Variants in XIAP observed in about 807,000 individuals in gnomAD.
XIAP encodes X-linked inhibitor of apoptosis.
XIAP carries 3 observed loss-of-function variants against 33.1 expected under a neutral mutation model. That is an observed-to-expected ratio of 0.09 (90% CI 0.04 to 0.23). The LOEUF is 0.23. XIAP is among the 10% of genes least tolerant of loss of function. The pLI is 1.00. For missense variants in XIAP, 264 were observed against 363.0 expected, an observed-to-expected ratio of 0.73 and a Z score of 2.22; for synonymous variants, 98 against 121.3, an observed-to-expected ratio of 0.81 and a Z score of 1.26.
chrX:123,885,180 A>G (rs570097033), intron 1 of XIAP, among the ~76,000 whole-genome samples: 2 of 111,997 alleles, frequency 1.8e-5, no homozygotes, highest in Non-Finnish European at 3.8e-5. Context: ...TTAATTCATT[A>G]ACATTCTGAA....
At chrX:123,886,659 T>TA in intron 2 of XIAP, 120 bp downstream of exon 2, 1 of 750,786 alleles carries the variant, frequency 1.3e-6, no homozygotes, top group Non-Finnish European at 1.9e-6. Context: ...GGCATGATTA[T>TA]ATATATATCT....
At position 123,892,652 on chromosome X, in the gene XIAP, G is replaced by T. The variant is rs538072196; in HGVS notation, c.1057-79G>T. 1.2e-5 allele frequency: 10 copies of T among 849,123 alleles called. No individual in the cohort carries two copies. The East Asian group carries it at 1.3e-4, about 11-fold the overall frequency. The allele number at this position is 849,123 out of a possible 1,213,427, so 70.0% of individuals were successfully genotyped here. A position where few individuals can be genotyped will look rare whatever the true frequency, so the allele number is the denominator to read the frequency against. On this transcript the variant is annotated intron_variant, in intron 4 of 6. Coordinates refer to ENST00000371199, the MANE Select transcript of XIAP (RefSeq NM_001167.4). The stretch of plus-strand genomic sequence containing the variant: ...TAAAGCCAATTTATTTTAAATTTAT[G>T]ATTAATTTCACTTTTCAAATGGAAA...
intron 5 of XIAP, among the ~76,000 whole-genome samples, chrX:123,895,864 C>T (rs1449299220): frequency 2.8e-5 from 3 of 106,885 alleles, no homozygotes; most frequent in East Asian, 3.0e-4. Context: ...TGGGTTCAAG[C>T]GATCCTCCTG....
intron 1 of XIAP, among the ~76,000 whole-genome samples, chrX:123,866,032 C>T (rs770894552): frequency 4.5e-4 from 50 of 110,583 alleles, no homozygotes; most frequent in African/African-American, 1.6e-3. Context: ...ACTCCGCCTC[C>T]TGGGTTCAGG....
At chrX:123,895,209 A>G (rs918684610) in intron 5 of XIAP, among the ~76,000 whole-genome samples, 1 of 111,703 alleles carries the variant, frequency 9.0e-6, no homozygotes, top group Non-Finnish European at 1.9e-5. Flanking sequence ...CCTATTCTGG[A>G]CATTTAATGT....
rs2053349744 is a variant in XIAP at position 123,886,186 on chromosome X, A to G, written c.524A>G (p.Asp175Gly). 1 of 1,212,071 alleles carries G rather than the reference A, an allele frequency of 8.3e-7. No individual in the cohort carries two copies. The highest frequency in any genetic ancestry group is 1.1e-6 in the Non-Finnish European group (1 of 895,655). ...ARLKSFQNWP[D>G]YAHLTPRELA... ...TTAAAGTCCTTTCAGAACTGGCCAGACTATGCTCACCTAACCCCAAGAGAG... is the reference window on the plus strand; with the variant it reads ...TTAAAGTCCTTTCAGAACTGGCCAGGCTATGCTCACCTAACCCCAAGAGAG... Residue 175 changes from aspartate (D) to glycine (G), a missense_variant, in exon 2 of 7, where the codon GAC becomes GGC. Physicochemically the swap from Asp to Gly is moderately conservative, Grantham distance 94. Coordinates refer to ENST00000371199, the MANE Select transcript of XIAP (RefSeq NM_001167.4).
intron 5 of XIAP, among the ~76,000 whole-genome samples, chrX:123,894,956 G>GTAAGTAAGTAAATAAA (rs762956643): frequency 9.5e-5 from 10 of 105,742 alleles, no homozygotes; most frequent in Non-Finnish European, 1.7e-4. Context: ...ACATAAATAA[G>GTAAGTAAGTAAATAAA]TAAATAAATA....
intron 1 of XIAP, among the ~76,000 whole-genome samples, chrX:123,881,119 A>T (rs1265278934): frequency 1.8e-5 from 2 of 110,838 alleles, no homozygotes. Context: ...GCTTTCTTTG[A>T]CATTTTTCTC....
intron 1 of XIAP, among the ~76,000 whole-genome samples, chrX:123,877,543 AT>A (rs2053257187): frequency 8.9e-6 from 1 of 112,403 alleles, no homozygotes; most frequent in Non-Finnish European, 1.9e-5. Context: ...AATTGGCTTA[AT>A]TTCTTAAAAG....
intron 1 of XIAP, chrX:123,879,315 G>GTTT (rs1556402497): frequency 1.2e-5 from 1 of 86,543 alleles, no homozygotes; most frequent in Non-Finnish European, 2.2e-5. Flanking sequence ...CACAGAAAGA[G>GTTT]TTTTTTTTTT....
chrX:123,887,330 G>C (rs1396692080), intron 2 of XIAP, among the ~76,000 whole-genome samples: 1 of 112,482 alleles, frequency 8.9e-6, no homozygotes, highest in Non-Finnish European at 1.9e-5. Context: ...TTACAGGCAT[G>C]AGCCACTGCG....
At chrX:123,875,943 C>A (rs896553020) in intron 1 of XIAP, among the ~76,000 whole-genome samples, 4 of 112,290 alleles carry the variant, frequency 3.6e-5, no homozygotes, top group African/African-American at 1.3e-4. Flanking sequence ...ACCTCGGCCT[C>A]CCAAAGTGTT....
intron 4 of XIAP, among the ~76,000 whole-genome samples, chrX:123,891,730 A>G (rs2053410082): frequency 9.5e-6 from 1 of 105,282 alleles, no homozygotes; most frequent in Admixed American, 1.1e-4. Context: ...CTGAGGCGGG[A>G]GGATCGCTTG....
chrX:123,895,959 G>A (rs1322472118), intron 5 of XIAP, among the ~76,000 whole-genome samples: 4 of 110,762 alleles, frequency 3.6e-5, no homozygotes, highest in East Asian at 2.8e-4. Context: ...ACGGGGTTTC[G>A]CTATATTAGC....
intron 1 of XIAP, among the ~76,000 whole-genome samples, chrX:123,865,491 A>G (rs1248582099): frequency 6.4e-5 from 7 of 108,718 alleles, no homozygotes; most frequent in African/African-American, 2.3e-4. Flanking sequence ...ACTTTGGGAG[A>G]CTGAGGCGGG....
chrX:123,908,433 A>C lies in XIAP; in HGVS notation c.*1252A>C. 5.3e-6 allele frequency: 2 copies of C among 376,658 alleles called. No homozygotes were observed. The highest frequency in any genetic ancestry group is 5.0e-6 in the Non-Finnish European group (1 of 198,771). The allele number at this position is 376,658 out of a possible 1,213,427, so 31.0% of individuals were successfully genotyped here. ...TCACTTTACTAAAAGATCTTTGTTAACTCAGTATTTTAAACATCTGTCAGC... is the reference window on the plus strand; with the variant it reads ...TCACTTTACTAAAAGATCTTTGTTACCTCAGTATTTTAAACATCTGTCAGC... On this transcript the variant is annotated 3_prime_UTR_variant, in exon 7 of 7. Coordinates refer to ENST00000371199, the MANE Select transcript of XIAP (RefSeq NM_001167.4).
chrX:123,896,016 G>A (rs922564861), intron 5 of XIAP, among the ~76,000 whole-genome samples: 1 of 110,170 alleles, frequency 9.1e-6, no homozygotes, highest in African/African-American at 3.3e-5. Context: ...CCCACGTTGG[G>A]CTCCCAAAGT....
In XIAP at chrX:123,907,053, A is replaced by G. The variant is rs767904879; in HGVS notation, c.1366A>G (p.Arg456Gly). The G allele has an allele frequency of 8.3e-7, 1 of 1,212,013 alleles. No individual in the cohort carries two copies. Among genetic ancestry groups the G allele is most frequent in the Admixed American group, 2.2e-5 (1 of 46,017 alleles). Reference protein sequence around the residue: ...EEKLCKICMDRNIAIVFVPCG... With the variant: ...EEKLCKICMDGNIAIVFVPCG... ...GAAGCTTTGCAAAATCTGTATGGAT[A>G]GAAATATTGCTATCGTTTTTGTTCC... is the stretch of plus-strand genomic sequence containing the variant. The change falls in exon 7 of 7, where the codon AGA (arginine) becomes GGA (glycine). Residue 456 changes from arginine to glycine, a missense_variant. By Grantham distance (125) the Arg-to-Gly change is moderately radical (BLOSUM62 -2). Coordinates refer to ENST00000371199, the MANE Select transcript of XIAP (RefSeq NM_001167.4).
At chrX:123,882,465 C>T (rs1602541190) in intron 1 of XIAP, among the ~76,000 whole-genome samples, 1 of 111,945 alleles carries the variant, frequency 8.9e-6, no homozygotes, top group East Asian at 2.8e-4. Context: ...ATATCCTTCG[C>T]TATTCCAACT....
Sources: gnomAD v4.1 joint callset for allele counts (sites outside exome capture counted in the v4.1 genomes callset) on GRCh38, gnomAD v4.1.1 for gene constraint, MANE v1.5 for transcripts, NCBI Gene and HGNC (gene_info 2026-07-23, HGNC 2026-07-21) for gene names.